HHLA1: variants seen among roughly 807,000 people sequenced by gnomAD.
The protein encoded by HHLA1 is HERV-H LTR-associating protein 1.
HHLA1 carries 72 observed loss-of-function variants against 69.9 expected under a neutral mutation model. That is an observed-to-expected ratio of 1.03 (90% CI 0.85 to 1.25). HHLA1 has a LOEUF of 1.25. Among genes scored for constraint, HHLA1 ranks in the 50% most tolerant of loss-of-function variants. HHLA1 has a pLI of 0.00. For synonymous variants in HHLA1, 252 were observed against 233.2 expected (o/e 1.08, Z -0.73); for missense variants, 685 against 642.2 (o/e 1.07, Z -0.72).
At chr8:132,084,186 A>T (rs1018170350) in intron 10 of HHLA1, among the ~76,000 whole-genome samples, 44 of 152,110 alleles carry the variant, frequency 2.9e-4, no homozygotes, top group African/African-American at 1.7e-4. Flanking sequence ...CAGGGAACGA[A>T]ACTGTAAGCC....
rs1161933880 is a variant in HHLA1 at position 132,105,248 on chromosome 8, T to C, written c.18A>G (p.Ser6=). 3 of 1,552,134 alleles carry C rather than the reference T, an allele frequency of 1.9e-6. No homozygotes were observed. The East Asian group carries it at 7.3e-5, about 38-fold the overall frequency. Residue 6 remains serine (S), a synonymous_variant, in exon 2 of 17, where the codon TCA becomes TCG. Transcript: ENST00000414222. The part of the protein sequence containing the change: MLGFL[S]RGPSMKLCMG... ...TGCACAGCTTCATTGAAGGACCACGTGACAGGAAGCCCAGCATGCTTGTGA... is the reference window on the plus strand; with the variant it reads ...TGCACAGCTTCATTGAAGGACCACGCGACAGGAAGCCCAGCATGCTTGTGA...
intron 7 of HHLA1, among the ~76,000 whole-genome samples, chr8:132,092,489 C>T (rs1187625801): frequency 6.6e-6 from 1 of 152,158 alleles, no homozygotes; most frequent in Non-Finnish European, 1.5e-5. Flanking sequence ...GGGCAGACTT[C>T]TCATGAATGG....
At chr8:132,082,084 TGTGG>T (rs1563743854) in intron 10 of HHLA1, among the ~76,000 whole-genome samples, 9 of 152,014 alleles carry the variant, frequency 5.9e-5, no homozygotes, top group African/African-American at 1.9e-4. Context: ...GGGGGCCAGG[TGTGG>T]TATCAGGAAT....
intron 11 of HHLA1, among the ~76,000 whole-genome samples, chr8:132,078,204 AC>A (rs1823681419): frequency 6.7e-6 from 1 of 148,478 alleles, no homozygotes; most frequent in African/African-American, 2.5e-5. Flanking sequence ...ACACACACAC[AC>A]ACACACAACC....
intron 2 of HHLA1, among the ~76,000 whole-genome samples, chr8:132,104,925 C>T (rs1563750587): frequency 6.6e-6 from 1 of 152,156 alleles, no homozygotes; most frequent in Non-Finnish European, 1.5e-5. Context: ...GTTTGGAAAG[C>T]TGTCTCATGG....
intron 14 of HHLA1, among the ~76,000 whole-genome samples, 159 bp downstream of exon 14, chr8:132,075,896 G>A (rs1035380135): frequency 2.4e-4 from 37 of 152,210 alleles, no homozygotes; most frequent in African/African-American, 8.4e-4. Context: ...CTTGGAAGTT[G>A]AGTACTGGAG....
intron 12 of HHLA1, among the ~76,000 whole-genome samples, chr8:132,077,486 G>A (rs534139565): frequency 2.6e-5 from 4 of 152,022 alleles, no homozygotes; most frequent in South Asian, 2.1e-4. Context: ...AAATTGGGGA[G>A]TGCGATTACA....
intron 15 of HHLA1, among the ~76,000 whole-genome samples, chr8:132,067,262 C>T (rs1239659343): frequency 6.6e-6 from 1 of 152,170 alleles, no homozygotes; most frequent in Non-Finnish European, 1.5e-5. Flanking sequence ...TGGCTTCTCC[C>T]CTCTACTGCC....
At chr8:132,104,238 T>C in intron 2 of HHLA1, 71 bp from the exon 3 acceptor site, 2 of 1,047,184 alleles carry the variant, frequency 1.9e-6, no homozygotes, top group South Asian at 1.4e-5. Flanking sequence ...TGATTCAACA[T>C]ACCCATTTTA....
chr8:132,100,144 A>G lies in HHLA1; in HGVS notation c.140-10T>C. On this transcript the variant is annotated splice_polypyrimidine_tract_variant and intron_variant, in intron 3 of 16. Coordinates refer to ENST00000414222, the MANE Select transcript of HHLA1 (RefSeq NM_001145095.3). ...TCTCTAAGGCCAGACACTGGGAAGG[A>G]GACAGTTTTCATGAGAAAAATGTGA... 2 of 1,547,210 alleles carry G rather than the reference A, an allele frequency of 1.3e-6. No homozygotes were observed. The highest frequency in any genetic ancestry group is 1.7e-4 in the Middle Eastern group (1 of 5,986).
chr8:132,085,470 T>A (rs929575780), intron 10 of HHLA1: 1 of 390,806 alleles, frequency 2.6e-6, no homozygotes, highest in East Asian at 1.1e-4. Flanking sequence ...CGTAGGTGGA[T>A]CTTTCTCATG....
chr8:132,064,674 G>A lies in HHLA1; in HGVS notation c.1553-636C>T, dbSNP rs187231871. ...TGGAGGCAGAAGGAAAGCAAAGTAA[G>A]CAGAAGAGGTAAATGGAAACACAGA... is the stretch of plus-strand genomic sequence containing the variant. On this transcript the variant is annotated intron_variant, in intron 16 of 16. Coordinates refer to ENST00000414222, the MANE Select transcript of HHLA1 (RefSeq NM_001145095.3). Among the ~76,000 whole-genome samples the A allele has an allele frequency of 3.2e-3, 492 of 152,306 alleles. 2 individuals are homozygous for A. Among genetic ancestry groups the A allele is most frequent in the Middle Eastern group, 0.014 (4 of 294 alleles).
chr8:132,099,517 T>C (rs1824080659), intron 4 of HHLA1, among the ~76,000 whole-genome samples: 1 of 152,158 alleles, frequency 6.6e-6, no homozygotes, highest in Admixed American at 6.5e-5. Context: ...CAGTGTGCAG[T>C]GAGTGGAGTT....
intron 4 of HHLA1, among the ~76,000 whole-genome samples, chr8:132,099,853 T>TA (rs879922629): frequency 5.9e-4 from 84 of 141,646 alleles, no homozygotes; most frequent in Middle Eastern, 3.6e-3. Context: ...AAACTCCATC[T>TA]AAAAAAAAAA....
intron 11 of HHLA1, 24 bp downstream of exon 11, chr8:132,079,694 G>C: frequency 6.6e-7 from 1 of 1,523,758 alleles, no homozygotes; most frequent in South Asian, 1.3e-5. Flanking sequence ...GCAAAGGGGA[G>C]GAAAGGGTGA....
intron 8 of HHLA1, among the ~76,000 whole-genome samples, chr8:132,089,204 T>A (rs773122617): frequency 2.6e-5 from 4 of 152,182 alleles, no homozygotes; most frequent in Non-Finnish European, 5.9e-5. Flanking sequence ...TGGATCTCAG[T>A]TTTGTCCTCC....
Position 132,105,190 on chromosome 8 carries a change from T to C in HHLA1, c.76A>G (p.Thr26Ala). Reference sequence around the variant, plus strand: ...GCAGAACTCCAGCTAGACCCACCTGTGTTCCAAAGGGACAAGACACATGCC... The same window carrying C: ...GCAGAACTCCAGCTAGACCCACCTGCGTTCCAAAGGGACAAGACACATGCC... ...GLACVLSLWN[T>A]VSGIKGEAKK... The change falls in exon 2 of 17, where the codon ACA becomes GCA. Residue 26 changes from threonine to alanine, a missense_variant. Physicochemically the swap from Thr to Ala is moderately conservative, Grantham distance 58 (BLOSUM62 0). Transcript: ENST00000414222. 1 of 1,551,526 alleles carries C rather than the reference T, an allele frequency of 6.4e-7. No individual in the cohort carries two copies. The highest frequency in any genetic ancestry group is 8.7e-7 in the Non-Finnish European group (1 of 1,146,472).
At position 132,071,479 on chromosome 8, in the gene HHLA1, G is replaced by A. The variant is rs1183337482; in HGVS notation, c.1330C>T (p.Leu444Phe). The A allele has an allele frequency of 7.1e-6, 11 of 1,551,408 alleles. No homozygotes were observed. Among genetic ancestry groups the A allele is most frequent in the South Asian group, 5.9e-5 (5 of 84,052 alleles). Residue 444 changes from leucine to phenylalanine, a missense_variant, in exon 15 of 17, where the codon CTC becomes TTC. Coordinates refer to ENST00000414222, the MANE Select transcript of HHLA1 (RefSeq NM_001145095.3). ...GCTGCCATAGCTCCCACCTTGAAGA[G>A]TGGCTGAGGACACCCTAGAAGATGC... ...PHQVSRCPQP[L>F]FKVGAMAAAP...
chr8:132,092,614 G>C (rs938131108), intron 7 of HHLA1, among the ~76,000 whole-genome samples: 1 of 152,114 alleles, frequency 6.6e-6, no homozygotes, highest in African/African-American at 2.4e-5. Flanking sequence ...AGTCATGTAA[G>C]ATCTGCCTGC....
Sources: gnomAD v4.1 joint callset for allele counts (sites outside exome capture counted in the v4.1 genomes callset) on GRCh38, gnomAD v4.1.1 for gene constraint, MANE v1.5 for transcripts, NCBI Gene and HGNC (gene_info 2026-07-23, HGNC 2026-07-21) for gene names.